Variants in CPS1 observed in about 807,000 individuals in gnomAD.
CPS1 encodes carbamoyl-phosphate synthase 1, also known as carbamoyl-phosphate synthase [ammonia], mitochondrial.
Under a neutral mutation model 174.6 loss-of-function variants are expected in CPS1, and 109 were observed. That is an observed-to-expected ratio of 0.62 (90% CI 0.53 to 0.73). The LOEUF (loss-of-function observed/expected upper bound fraction) is 0.73. CPS1 is among the 30% of genes least tolerant of loss of function. The probability of loss-of-function intolerance (pLI) is 0.00; values close to 1 mark genes in which losing one functional copy is unlikely to be tolerated. For synonymous variants in CPS1, 637 were observed against 632.0 expected (o/e 1.01, Z -0.12); for missense variants, 1,689 against 1,821.9 (o/e 0.93, Z 1.33).
chr2:210,579,336 G>C (rs543001911), intron 4 of CPS1, among the ~76,000 whole-genome samples: 2 of 152,116 alleles, frequency 1.3e-5, no homozygotes, highest in Admixed American at 6.6e-5. Flanking sequence ...AGAAAAATGT[G>C]TTGAGTGCCT....
chr2:210,535,665 G>A (rs560773905), intron 1 of CPS1, among the ~76,000 whole-genome samples: 1 of 152,244 alleles, frequency 6.6e-6, no homozygotes, highest in South Asian at 2.1e-4. Flanking sequence ...AGGAATGCTG[G>A]TGTTTGTTTC....
intron 25 of CPS1, among the ~76,000 whole-genome samples, chr2:210,647,264 G>T (rs1247773675): frequency 1.3e-5 from 2 of 152,150 alleles, no homozygotes; most frequent in South Asian, 2.1e-4. Context: ...GTGGTGCAGA[G>T]AATTTGTTAG....
At chr2:210,482,426 CT>C (rs1343928554) in intron 1 of CPS1, among the ~76,000 whole-genome samples, 1 of 152,044 alleles carries the variant, frequency 6.6e-6, no homozygotes, top group Non-Finnish European at 1.5e-5. Flanking sequence ...CCGCAGCCCC[CT>C]GAGTAGCTGG....
intron 17 of CPS1, 149 bp from the exon 18 acceptor site, chr2:210,606,582 A>G: frequency 2.6e-6 from 2 of 768,502 alleles, no homozygotes; most frequent in South Asian, 3.0e-5. Flanking sequence ...TGGGCAAAAC[A>G]GGAATTGGGG....
Position 210,608,470 on chromosome 2 carries a change from T to C in CPS1, c.2302T>C (p.Tyr768His), listed in dbSNP as rs750831111. Residue 768 changes from tyrosine (Y) to histidine (H), a missense_variant, in exon 19 of 38, where the codon TAC (tyrosine) becomes CAC (histidine). Tyr to His is a moderately conservative substitution (Grantham distance 83). Coordinates refer to ENST00000233072, the MANE Select transcript of CPS1 (RefSeq NM_001875.5). The stretch of plus-strand genomic sequence containing the variant: ...AGCCTGTTTTGAACCTAGCCTGGAT[T>C]ACATGGTCACCAAGATTCCCCGCTG... ...TSACFEPSLD[Y>H]MVTKIPRWDL... 6 of 1,612,574 alleles carry C rather than the reference T, an allele frequency of 3.7e-6. No individual in the cohort carries two copies. Among genetic ancestry groups the C allele is most frequent in the Non-Finnish European group, 5.1e-6 (6 of 1,179,006 alleles).
chr2:210,596,174 C>G (rs1344328148), intron 13 of CPS1, among the ~76,000 whole-genome samples: 4 of 151,934 alleles, frequency 2.6e-5, no homozygotes, highest in African/African-American at 9.7e-5. Context: ...GACATCCTTC[C>G]TGTTTCTTTA....
chr2:210,587,587 C>A (rs2106102841), intron 6 of CPS1, among the ~76,000 whole-genome samples: 1 of 152,178 alleles, frequency 6.6e-6, no homozygotes, highest in Non-Finnish European at 1.5e-5. Flanking sequence ...ATCCATTAGG[C>A]CCAACTGCAG....
rs562637912 is a variant in CPS1, at chr2:210,496,077, A to G, written c.3+18311A>G. ...ATTATTTATCAAATATTCAGATACT[A>G]TTTTTGCCAACATGCCCTGTAGTCC... On this transcript the variant is annotated intron_variant, in intron 1 of 38. Transcript: ENST00000430249. 2.6e-5 allele frequency among the ~76,000 whole-genome samples: 4 copies of G among 152,102 alleles called. No homozygotes were observed. The South Asian group carries it at 6.2e-4, about 24-fold the overall frequency.
At chr2:210,536,625 C>T (rs922803792) in intron 1 of CPS1, among the ~76,000 whole-genome samples, 14 of 152,054 alleles carry the variant, frequency 9.2e-5, no homozygotes, top group Non-Finnish European at 1.2e-4. Flanking sequence ...TGCGCCTGGC[C>T]GTATTTAGGT....
chr2:210,604,185 A>G (rs919077335), intron 16 of CPS1, among the ~76,000 whole-genome samples: 4 of 151,888 alleles, frequency 2.6e-5, no homozygotes, highest in Non-Finnish European at 5.9e-5. Flanking sequence ...TTTCATTTGC[A>G]CGTGCTGGAG....
chr2:210,530,659 G>C (rs114518452), intron 1 of CPS1, among the ~76,000 whole-genome samples: 2,026 of 152,142 alleles, frequency 0.013, 39 homozygotes, highest in African/African-American at 0.046. Flanking sequence ...GTCGTGAGTG[G>C]CAGTGATAAA....
intron 1 of CPS1, among the ~76,000 whole-genome samples, chr2:210,570,617 T>C (rs1697443658): frequency 6.6e-6 from 1 of 151,944 alleles, no homozygotes; most frequent in Admixed American, 6.6e-5. Context: ...AAATTTACAG[T>C]CTACACTCAA....
Position 210,498,770 on chromosome 2 carries a change from G to A in CPS1, c.3+21004G>A, listed in dbSNP as rs577810907. ...TTATTCCAGTAGAGTGGGTGCTCTA[G>A]ATGCTTGGAGATCTGCCTGGGTGTG... On this transcript the variant is annotated intron_variant, in intron 1 of 38. Transcript: ENST00000430249. 7.9e-5 allele frequency among the ~76,000 whole-genome samples: 12 copies of A among 152,298 alleles called. No individual in the cohort carries two copies. In the East Asian group the frequency reaches 2.3e-3, roughly 29 times the overall value.
At position 210,502,248 on chromosome 2, in the gene CPS1, C is replaced by A. The variant is rs146241721; in HGVS notation, c.3+24482C>A. Among the ~76,000 whole-genome samples, 4 of 151,946 alleles carry A rather than the reference C, an allele frequency of 2.6e-5. No individual in the cohort carries two copies. In the East Asian group the frequency reaches 7.7e-4, roughly 29 times the overall value. ...AAAGCCAAACCATATTACCAATTTTCCTTCTCGAATTAATGCTCACAGAGT... is the reference window on the plus strand; with the variant it reads ...AAAGCCAAACCATATTACCAATTTTACTTCTCGAATTAATGCTCACAGAGT... On this transcript the variant is annotated intron_variant, in intron 1 of 38. Transcript: ENST00000430249.
chr2:210,501,250 C>T (rs1326988785), intron 1 of CPS1, among the ~76,000 whole-genome samples: 1 of 152,094 alleles, frequency 6.6e-6, no homozygotes. Flanking sequence ...ACTGACATAC[C>T]CTGGGGACAT....
upstream of CPS1, among the ~76,000 whole-genome samples, chr2:210,551,855 T>C (rs1000849907): frequency 5.3e-5 from 8 of 152,010 alleles, no homozygotes; most frequent in African/African-American, 1.9e-4. Context: ...ATGATATCTG[T>C]CTGTCATTTT....
upstream of CPS1, chr2:210,555,520 G>A (rs1696885459): frequency 2.3e-6 from 1 of 428,024 alleles, no homozygotes; most frequent in Non-Finnish European, 4.7e-6. Flanking sequence ...TATTAAGTAA[G>A]CGTGAGGACT....
chr2:210,597,197 T>C (rs1698513940), intron 13 of CPS1, among the ~76,000 whole-genome samples: 1 of 151,906 alleles, frequency 6.6e-6, no homozygotes, highest in Admixed American at 6.6e-5. Context: ...ATGTTCTCAG[T>C]TGGGACTCAA....
At chr2:210,665,594 C>T (rs1701069076) in intron 33 of CPS1, among the ~76,000 whole-genome samples, 1 of 151,354 alleles carries the variant, frequency 6.6e-6, no homozygotes. Flanking sequence ...TTTGTCCTTG[C>T]AATAGTTTAC....
Sources: gnomAD v4.1 joint callset for allele counts (sites outside exome capture counted in the v4.1 genomes callset) on GRCh38, gnomAD v4.1.1 for gene constraint, MANE v1.5 for transcripts, NCBI Gene and HGNC (gene_info 2026-07-23, HGNC 2026-07-21) for gene names.